KYNU: variants seen among roughly 807,000 people sequenced by gnomAD.
The protein encoded by KYNU is kynureninase.
KYNU carries 54 observed loss-of-function variants against 59.2 expected under a neutral mutation model. The observed-to-expected ratio is 0.91, with a 90% confidence interval of 0.73 to 1.14. KYNU has a LOEUF of 1.14. Among genes scored for constraint, KYNU ranks in the 50% most tolerant of loss-of-function variants. The pLI, the probability that KYNU is intolerant of heterozygous loss-of-function variation, is 0.00. For missense variants in KYNU, 567 were observed against 554.4 expected, an observed-to-expected ratio of 1.02 and a Z score of -0.23; for synonymous variants, 177 against 192.0, an observed-to-expected ratio of 0.92 and a Z score of 0.65.
chr2:143,055,439 C>G lies in KYNU; in HGVS notation c.*13267C>G, dbSNP rs1380512955. The G allele has an allele frequency of 5.3e-5, 8 of 152,126 alleles. No individual in the cohort carries two copies. The highest frequency in any genetic ancestry group is 1.9e-4 in the African/African-American group (8 of 41,402). The allele number at this position is 152,126 out of a possible 1,614,324, so 9.4% of individuals were successfully genotyped here. ...TAACTATTCCTTTTCTTCTGTCTTC[C>G]ACTTTTAAGAGCCTTTTTGAGTCTA... On this transcript the variant is annotated 3_prime_UTR_variant, in exon 14 of 14. Coordinates refer to ENST00000264170, the MANE Select transcript of KYNU (RefSeq NM_003937.3).
intron 8 of KYNU, chr2:142,967,467 T>A (rs1684584777): frequency 6.6e-6 from 1 of 152,142 alleles, no homozygotes; most frequent in Non-Finnish European, 1.5e-5. Context: ...CATAAGCTGT[T>A]TAAATTATTA....
rs1194160357 is a variant in KYNU at position 142,949,547 on chromosome 2, CT to C, written c.374-5260del. On this transcript the variant is annotated intron_variant, in intron 4 of 13. Transcript: ENST00000264170. ...GCTGCCAAGGCTTGAGGCTTGCACC[CT>C]TTGAAGCCACAGACTGAGCTGTACC... Among the ~76,000 whole-genome samples, 6 of 152,350 alleles carry C rather than the reference CT, an allele frequency of 3.9e-5. No individual in the cohort carries two copies. In the East Asian group the frequency reaches 9.6e-4, roughly 24 times the overall value.
chr2:142,976,679 C>T (rs1326541119), intron 8 of KYNU, among the ~76,000 whole-genome samples: 1 of 151,942 alleles, frequency 6.6e-6, no homozygotes. Flanking sequence ...GAGACAGGTC[C>T]CAGTCAATTT....
intron 4 of KYNU, among the ~76,000 whole-genome samples, chr2:142,930,700 G>A (rs1225379071): frequency 5.9e-5 from 9 of 152,096 alleles, no homozygotes; most frequent in Admixed American, 5.9e-4. Context: ...ACCATATCAA[G>A]CCCTCACCCT....
chr2:142,956,321 G>A (rs911634315), intron 6 of KYNU, 47 bp downstream of exon 6: 19 of 1,215,344 alleles, frequency 1.6e-5, no homozygotes, highest in Non-Finnish European at 2.3e-5. Flanking sequence ...ACTCTTCCTA[G>A]AGCAGTGTAT....
chr2:142,967,925 T>G (rs1012328421), intron 8 of KYNU, among the ~76,000 whole-genome samples: 1 of 152,284 alleles, frequency 6.6e-6, no homozygotes, highest in African/African-American at 2.4e-5. Flanking sequence ...CTAAACACTT[T>G]TGTGTACAAA....
chr2:142,927,883 C>A, intron 4 of KYNU, 142 bp downstream of exon 4: 1 of 621,260 alleles, frequency 1.6e-6, no homozygotes. Context: ...AAAGGAAGTA[C>A]ACTTTCAACT....
chr2:142,954,781 A>G (rs1684109847), intron 4 of KYNU, 29 bp from the exon 5 acceptor site: 1 of 1,454,056 alleles, frequency 6.9e-7, no homozygotes, highest in African/African-American at 1.4e-5. Flanking sequence ...TAGTACAAAC[A>G]TCTAAATTAC....
chr2:142,890,599 C>A (rs1055639013), intron 2 of KYNU, among the ~76,000 whole-genome samples: 1 of 152,098 alleles, frequency 6.6e-6, no homozygotes, highest in Admixed American at 6.5e-5. Flanking sequence ...TACCTTAGCT[C>A]CTGGGGTAGC....
intron 10 of KYNU, among the ~76,000 whole-genome samples, chr2:143,003,164 A>T (rs1393016988): frequency 6.6e-6 from 1 of 152,216 alleles, no homozygotes; most frequent in African/African-American, 2.4e-5. Flanking sequence ...ACTTTCTAAG[A>T]TGATTTTGTT....
At chr2:142,884,928 T>A (rs1681448224) in intron 1 of KYNU, among the ~76,000 whole-genome samples, 2 of 147,956 alleles carry the variant, frequency 1.4e-5, no homozygotes, top group Admixed American at 1.3e-4. Flanking sequence ...CATGCATGAG[T>A]TTTTCTCATA....
In KYNU at chr2:143,016,909, T is replaced by C. The variant is rs564811233; in HGVS notation, c.903-12718T>C. Among the ~76,000 whole-genome samples, 7 of 152,262 alleles carry C rather than the reference T, an allele frequency of 4.6e-5. No homozygotes were observed. In the East Asian group the frequency reaches 1.4e-3, roughly 29 times the overall value. On this transcript the variant is annotated intron_variant, in intron 10 of 13. Transcript: ENST00000264170. ...TCCCCTCCCTCTCTCCTCGCTTTAGTAGTCCGCAGTGTCTGTTGTTACCAT... is the reference window on the plus strand; with the variant it reads ...TCCCCTCCCTCTCTCCTCGCTTTAGCAGTCCGCAGTGTCTGTTGTTACCAT...
intron 4 of KYNU, among the ~76,000 whole-genome samples, chr2:142,943,062 C>T (rs950481159): frequency 2.0e-5 from 3 of 151,946 alleles, no homozygotes; most frequent in Non-Finnish European, 4.4e-5. Context: ...CTGCTGATCA[C>T]GAGTTTCAGG....
chr2:142,991,142 G>T (rs531932527), intron 10 of KYNU, among the ~76,000 whole-genome samples: 3 of 151,882 alleles, frequency 2.0e-5, no homozygotes, highest in Non-Finnish European at 2.9e-5. Context: ...TGAAGAGATC[G>T]TCTTTTGCAC....
At chr2:142,878,237 A>G (rs1278713003) in intron 1 of KYNU, among the ~76,000 whole-genome samples, 1 of 152,190 alleles carries the variant, frequency 6.6e-6, no homozygotes, top group Non-Finnish European at 1.5e-5. Context: ...AAGAAAAGAA[A>G]GTTGATACAC....
At chr2:143,005,017 T>G (rs1360678810) in intron 10 of KYNU, among the ~76,000 whole-genome samples, 1 of 152,168 alleles carries the variant, frequency 6.6e-6, no homozygotes, top group African/African-American at 2.4e-5. Context: ...AACAAAAATA[T>G]CTTGCCCTAG....
intron 2 of KYNU, among the ~76,000 whole-genome samples, chr2:142,897,497 A>C (rs1045281950): frequency 3.3e-5 from 5 of 152,244 alleles, no homozygotes; most frequent in Non-Finnish European, 5.9e-5. Context: ...TCACCCAACA[A>C]ATTCATATTA....
chr2:142,949,151 G>A (rs1229203267), intron 4 of KYNU, among the ~76,000 whole-genome samples: 1 of 152,196 alleles, frequency 6.6e-6, no homozygotes, highest in East Asian at 1.9e-4. Context: ...GTGGTCTTGG[G>A]CAGCTCCACC....
At chr2:142,957,896 G>A in intron 7 of KYNU, 181 bp downstream of exon 7, 1 of 554,034 alleles carries the variant, frequency 1.8e-6, no homozygotes, top group East Asian at 3.1e-5. Flanking sequence ...ACTCAGATGT[G>A]TATTTATTTT....
Sources: gnomAD v4.1 joint callset for allele counts (sites outside exome capture counted in the v4.1 genomes callset) on GRCh38, gnomAD v4.1.1 for gene constraint, MANE v1.5 for transcripts, NCBI Gene and HGNC (gene_info 2026-07-23, HGNC 2026-07-21) for gene names.